IL15: variants seen among roughly 807,000 people sequenced by gnomAD.
IL15 encodes interleukin-15.
IL15 carries 11 observed loss-of-function variants against 19.6 expected under a neutral mutation model. The ratio of observed to expected loss-of-function variants is 0.56; its 90% CI spans 0.35 to 0.93. The LOEUF (loss-of-function observed/expected upper bound fraction) is 0.93, where lower values mean the gene tolerates loss of function less well. Ranked by LOEUF, IL15 falls within the 40% of genes least tolerant of loss-of-function variation. The pLI is 0.01. For synonymous variants in IL15, 58 were observed against 59.6 expected, an observed-to-expected ratio of 0.97 and a Z score of 0.12; for missense variants, 197 against 186.5, an observed-to-expected ratio of 1.06 and a Z score of -0.33.
At chr4:141,699,177 T>C (rs1387837075) in intron 2 of IL15, among the ~76,000 whole-genome samples, 1 of 152,220 alleles carries the variant, frequency 6.6e-6, no homozygotes, top group African/African-American at 2.4e-5. Flanking sequence ...TTTATTCTAC[T>C]GTGGTCTGAG....
chr4:141,638,135 G>T (rs992397124), intron 1 of IL15, among the ~76,000 whole-genome samples: 2 of 152,094 alleles, frequency 1.3e-5, no homozygotes, highest in Non-Finnish European at 1.5e-5. Flanking sequence ...TGTTGTTTTC[G>T]TGTGAAGTAA....
At chr4:141,694,779 G>A (rs946477710) in intron 2 of IL15, among the ~76,000 whole-genome samples, 3 of 152,164 alleles carry the variant, frequency 2.0e-5, no homozygotes, top group South Asian at 2.1e-4. Context: ...AGAGGCATGA[G>A]ACTTTCAAAA....
At chr4:141,712,288 GA>G (rs1729738557) in intron 2 of IL15, among the ~76,000 whole-genome samples, 1 of 152,034 alleles carries the variant, frequency 6.6e-6, no homozygotes, top group African/African-American at 2.4e-5. Flanking sequence ...CTGACTAGAG[GA>G]ACAGATATCA....
At chr4:141,711,057 A>G (rs1729702621) in intron 2 of IL15, among the ~76,000 whole-genome samples, 1 of 152,172 alleles carries the variant, frequency 6.6e-6, no homozygotes, top group African/African-American at 2.4e-5. Flanking sequence ...TTTTATAATT[A>G]CAAATATTTT....
intron 2 of IL15, among the ~76,000 whole-genome samples, chr4:141,710,425 CAT>C (rs1427595375): frequency 1.3e-5 from 2 of 152,082 alleles, no homozygotes; most frequent in Non-Finnish European, 2.9e-5. Context: ...ATTTACTTGG[CAT>C]ATCTTTTTTT....
chr4:141,641,967 C>T (rs573576792), intron 1 of IL15, among the ~76,000 whole-genome samples: 112 of 151,338 alleles, frequency 7.4e-4, no homozygotes, highest in African/African-American at 2.4e-3. Context: ...GTGTGAATAT[C>T]GCTACGTTTT....
At chr4:141,664,815 T>G (rs1727915042) in intron 2 of IL15, among the ~76,000 whole-genome samples, 1 of 152,222 alleles carries the variant, frequency 6.6e-6, no homozygotes, top group Non-Finnish European at 1.5e-5. Flanking sequence ...AGCCTAATTC[T>G]TACATACATA....
At chr4:141,659,206 CTTT>C (rs398064100) in intron 2 of IL15, among the ~76,000 whole-genome samples, 1 of 120,158 alleles carries the variant, frequency 8.3e-6, no homozygotes, top group Non-Finnish European at 1.8e-5. Flanking sequence ...TTCCTGGTGT[CTTT>C]TTTTTTTTTT....
chr4:141,711,745 T>C (rs1729724176), intron 2 of IL15, among the ~76,000 whole-genome samples: 1 of 152,178 alleles, frequency 6.6e-6, no homozygotes, highest in Non-Finnish European at 1.5e-5. Context: ...TTAATTTATC[T>C]GGAATGCATT....
chr4:141,646,992 G>C (rs1414937750), intron 1 of IL15, among the ~76,000 whole-genome samples: 1 of 152,052 alleles, frequency 6.6e-6, no homozygotes, highest in Non-Finnish European at 1.5e-5. Flanking sequence ...GGGAATGAAT[G>C]GATTAATGAA....
intron 1 of IL15, among the ~76,000 whole-genome samples, chr4:141,652,337 T>C (rs1324553383): frequency 1.3e-5 from 2 of 152,086 alleles, no homozygotes; most frequent in South Asian, 2.1e-4. Context: ...AGCAGTGCTA[T>C]AAAAGATAAG....
At chr4:141,642,920 T>C (rs1391640548) in intron 1 of IL15, among the ~76,000 whole-genome samples, 1 of 152,230 alleles carries the variant, frequency 6.6e-6, no homozygotes, top group Non-Finnish European at 1.5e-5. Context: ...GGTCAGAGTC[T>C]ATTTGTATTG....
intron 5 of IL15, among the ~76,000 whole-genome samples, chr4:141,723,227 C>T (rs1249573230): frequency 6.6e-6 from 1 of 152,172 alleles, no homozygotes; most frequent in Non-Finnish European, 1.5e-5. Context: ...CCAAATTTCA[C>T]ATCCTCTTGG....
intron 2 of IL15, among the ~76,000 whole-genome samples, chr4:141,666,313 G>T (rs541648429): frequency 6.6e-6 from 1 of 151,696 alleles, no homozygotes; most frequent in Non-Finnish European, 1.5e-5. Context: ...AAGCCGAGGC[G>T]GTCGGATCAC....
intron 2 of IL15, among the ~76,000 whole-genome samples, chr4:141,676,803 T>C (rs1013541594): frequency 1.7e-4 from 26 of 149,432 alleles, no homozygotes; most frequent in African/African-American, 5.6e-4. Flanking sequence ...GGGTAAAGGA[T>C]TTCAGGATAT....
rs1252177279 is a variant in IL15, at chr4:141,712,792, T to C, written c.-99-6574T>C. On this transcript the variant is annotated intron_variant, in intron 2 of 7. Transcript: ENST00000320650. ...TCCCTGGCAGCTCAAAAAATATTTA[T>C]ATAGATTATTGTTTGCTTTGGAAAC... 2.0e-5 allele frequency among the ~76,000 whole-genome samples: 3 copies of C among 151,628 alleles called. No homozygotes were observed. In the East Asian group the frequency reaches 5.8e-4, roughly 29 times the overall value.
chr4:141,673,877 G>T (rs1204548060), intron 2 of IL15, among the ~76,000 whole-genome samples: 1 of 152,036 alleles, frequency 6.6e-6, no homozygotes, highest in Admixed American at 6.6e-5. Flanking sequence ...TTAATGATCT[G>T]CTCTTTTCAT....
intron 1 of IL15, among the ~76,000 whole-genome samples, chr4:141,651,063 GTA>G (rs1378381135): frequency 3.3e-5 from 5 of 151,968 alleles, no homozygotes; most frequent in Non-Finnish European, 1.5e-5. Flanking sequence ...ATGGTAGTCT[GTA>G]TGGAGTATAA....
intron 2 of IL15, among the ~76,000 whole-genome samples, chr4:141,713,746 T>G (rs1729783187): frequency 6.6e-6 from 1 of 152,164 alleles, no homozygotes; most frequent in Non-Finnish European, 1.5e-5. Context: ...CAAGGTATGA[T>G]TCACGTAACA....
Sources: gnomAD v4.1 joint callset for allele counts (sites outside exome capture counted in the v4.1 genomes callset) on GRCh38, gnomAD v4.1.1 for gene constraint, MANE v1.5 for transcripts, NCBI Gene and HGNC (gene_info 2026-07-23, HGNC 2026-07-21) for gene names.